Variants in LRRC69 observed in about 807,000 individuals in gnomAD.
LRRC69 encodes leucine-rich repeat-containing protein 69.
A neutral mutation model predicts 37.8 loss-of-function variants in LRRC69; 42 were observed. The ratio of observed to expected loss-of-function variants is 1.11; its 90% CI spans 0.87 to 1.44. LRRC69 has a LOEUF of 1.44. LRRC69 is among the 40% of genes most tolerant of loss of function. LRRC69 has a pLI of 0.00. For missense variants in LRRC69, 357 were observed against 401.9 expected, an observed-to-expected ratio of 0.89 and a Z score of 0.96; for synonymous variants, 141 against 143.1, an observed-to-expected ratio of 0.99 and a Z score of 0.11.
chr8:91,147,425 A>G (rs1381579398), intron 5 of LRRC69, among the ~76,000 whole-genome samples: 1 of 151,074 alleles, frequency 6.6e-6, no homozygotes, highest in Non-Finnish European at 1.5e-5. Flanking sequence ...AAAAAAATCC[A>G]TCTGACTATT....
chr8:91,210,931 A>G (rs1809902522), intron 7 of LRRC69, among the ~76,000 whole-genome samples: 1 of 152,152 alleles, frequency 6.6e-6, no homozygotes, highest in Non-Finnish European at 1.5e-5. Context: ...AAATCCATAC[A>G]TAGACACATT....
At chr8:91,122,254 C>T (rs1443095801) in intron 1 of LRRC69, among the ~76,000 whole-genome samples, 2 of 152,012 alleles carry the variant, frequency 1.3e-5, no homozygotes, top group African/African-American at 2.4e-5. Context: ...CACTTCTGCA[C>T]ATTCTGTTAA....
intron 1 of LRRC69, among the ~76,000 whole-genome samples, chr8:91,123,415 A>G (rs1813663545): frequency 6.6e-6 from 1 of 152,056 alleles, no homozygotes; most frequent in African/African-American, 2.4e-5. Context: ...ATTCTTAGAC[A>G]AAAGCACATA....
intron 1 of LRRC69, among the ~76,000 whole-genome samples, chr8:91,107,818 A>T (rs564267554): frequency 6.6e-6 from 1 of 152,206 alleles, no homozygotes; most frequent in East Asian, 1.9e-4. Context: ...ATGCATTTGG[A>T]CTGTGGCTCT....
rs184176964 is a variant in LRRC69, at chr8:91,110,247, T to C, written c.183+7403T>C. Among the ~76,000 whole-genome samples, 724 of 152,198 alleles carry C rather than the reference T, an allele frequency of 4.8e-3. 6 individuals carry two copies. Among genetic ancestry groups the C allele is most frequent in the Admixed American group, 9.6e-3 (147 of 15,272 alleles). On this transcript the variant is annotated intron_variant, in intron 1 of 7. Transcript: ENST00000448384. Reference sequence around the variant, plus strand: ...ATTTATACATCTTATAGGCAAATAATCAAATAGTTTATTCCAAAATGGTAT... The same window carrying C: ...ATTTATACATCTTATAGGCAAATAACCAAATAGTTTATTCCAAAATGGTAT...
rs1204623430 is a variant in LRRC69, at chr8:91,157,781, G to A, written c.651+22042G>A. ...CCTGGGAGAGAGGACATACTATATC[G>A]CAGCAGTGGAAGTGGAATGGGATTA... On this transcript the variant is annotated intron_variant, in intron 5 of 7. Coordinates refer to ENST00000448384, the Ensembl canonical transcript of LRRC69. 3.0e-5 allele frequency: 48 copies of A among 1,607,468 alleles called. 1 individual carries two copies. The highest frequency in any genetic ancestry group is 2.2e-4 in the South Asian group (20 of 90,894).
intron 5 of LRRC69, among the ~76,000 whole-genome samples, chr8:91,155,202 T>C (rs58582250): frequency 0.16 from 23,798 of 149,940 alleles, 4,442 homozygotes; most frequent in African/African-American, 0.45. Context: ...GAACCATTTG[T>C]CTATTATTTT....
chr8:91,156,482 A>G (rs1375586065), intron 5 of LRRC69, among the ~76,000 whole-genome samples: 3 of 150,936 alleles, frequency 2.0e-5, no homozygotes, highest in Non-Finnish European at 3.0e-5. Context: ...AATCACTTGT[A>G]GGATGAATGG....
chr8:91,159,452 C>T (rs1257110896), intron 5 of LRRC69, among the ~76,000 whole-genome samples: 3 of 151,126 alleles, frequency 2.0e-5, no homozygotes, highest in Non-Finnish European at 4.4e-5. Context: ...TATCAATGAA[C>T]TAAACTTGAA....
intron 5 of LRRC69, among the ~76,000 whole-genome samples, chr8:91,142,109 C>T (rs1274107223): frequency 6.6e-6 from 1 of 151,828 alleles, no homozygotes; most frequent in Non-Finnish European, 1.5e-5. Flanking sequence ...TTCTCTAGCT[C>T]CTCTTTCCCT....
intron 5 of LRRC69, among the ~76,000 whole-genome samples, chr8:91,152,210 G>C (rs186824210): frequency 1.3e-5 from 2 of 151,634 alleles, no homozygotes; most frequent in Non-Finnish European, 2.9e-5. Context: ...CTTTGCGCAT[G>C]CCTATTTTCT....
chr8:91,189,390 A>G (rs1809455153), intron 5 of LRRC69, 132 bp from the exon 6 acceptor site: 3 of 630,816 alleles, frequency 4.8e-6, no homozygotes, highest in South Asian at 4.4e-5. Context: ...TAGGACTTAA[A>G]TCCACATTAG....
chr8:91,210,334 A>C (rs2130643565), intron 7 of LRRC69, among the ~76,000 whole-genome samples: 1 of 152,320 alleles, frequency 6.6e-6, no homozygotes, highest in African/African-American at 2.4e-5. Context: ...TAGAACATGC[A>C]CAATTTCATT....
In LRRC69 at chr8:91,164,833, T is replaced by C. The variant is rs139456883; in HGVS notation, c.652-24689T>C. Among the ~76,000 whole-genome samples, 309 of 151,788 alleles carry C rather than the reference T, an allele frequency of 2.0e-3. 7 individuals are homozygous for C. The highest frequency in any genetic ancestry group is 0.013 in the Admixed American group (205 of 15,188). On this transcript the variant is annotated intron_variant, in intron 5 of 7. Transcript: ENST00000448384. ...CAAAAATACTCTTAATTACTAGTAG[T>C]GATTTATATAAACATATTATGCCTG...
At chr8:91,176,134 A>ATTT (rs771986461) in intron 5 of LRRC69, among the ~76,000 whole-genome samples, 35 of 75,692 alleles carry the variant, frequency 4.6e-4, no homozygotes, top group African/African-American at 2.1e-3. Flanking sequence ...ATATATATAT[A>ATTT]TTTTTTTTTT....
At chr8:91,218,513 C>G (rs1183792404) in intron 7 of LRRC69, among the ~76,000 whole-genome samples, 2 of 151,990 alleles carry the variant, frequency 1.3e-5, no homozygotes, top group African/African-American at 4.8e-5. Context: ...ACCAAGATAC[C>G]CATTAAGAAG....
At chr8:91,176,132 A>ATTTTTTTTTTTT (rs1331458493) in intron 5 of LRRC69, among the ~76,000 whole-genome samples, 2 of 15,192 alleles carry the variant, frequency 1.3e-4, no homozygotes, top group African/African-American at 3.9e-4. Context: ...ATATATATAT[A>ATTTTTTTTTTTT]TATTTTTTTT....
chr8:91,187,214 C>T (rs1267233035), intron 5 of LRRC69, among the ~76,000 whole-genome samples: 1 of 152,140 alleles, frequency 6.6e-6, no homozygotes, highest in Non-Finnish European at 1.5e-5. Flanking sequence ...ACCACTGGTT[C>T]CTTGTATGTT....
chr8:91,185,232 G>A (rs1023267630), intron 5 of LRRC69, among the ~76,000 whole-genome samples: 1 of 152,080 alleles, frequency 6.6e-6, no homozygotes, highest in African/African-American at 2.4e-5. Context: ...CTCTCCCTTC[G>A]GCTTTAAGGC....
Sources: gnomAD v4.1 joint callset for allele counts (sites outside exome capture counted in the v4.1 genomes callset) on GRCh38, gnomAD v4.1.1 for gene constraint, MANE v1.5 for transcripts, NCBI Gene and HGNC (gene_info 2026-07-23, HGNC 2026-07-21) for gene names.